ARHGAP44: variants seen among roughly 807,000 people sequenced by gnomAD.
The protein encoded by ARHGAP44 is rho GTPase-activating protein 44.
ARHGAP44 carries 43 observed loss-of-function variants against 106.8 expected under a neutral mutation model. The ratio of observed to expected loss-of-function variants is 0.40; its 90% CI spans 0.32 to 0.52. ARHGAP44 has a LOEUF of 0.52. Ranked by LOEUF, ARHGAP44 falls within the 20% of genes least tolerant of loss-of-function variation. The pLI, the probability that ARHGAP44 is intolerant of heterozygous loss-of-function variation, is 0.48. For synonymous variants in ARHGAP44, 439 were observed against 410.3 expected, an observed-to-expected ratio of 1.07 and a Z score of -0.85; for missense variants, 866 against 1,050.5, an observed-to-expected ratio of 0.82 and a Z score of 2.43.
In ARHGAP44 at chr17:12,913,932, G is replaced by A. The variant is rs144298091; in HGVS notation, c.276-1968G>A. 4.4e-3 allele frequency among the ~76,000 whole-genome samples: 560 copies of A among 125,876 alleles called. 3 individuals are homozygous for A. The highest frequency in any genetic ancestry group is 0.015 in the African/African-American group (514 of 34,302). The allele number at this position is 125,876 out of a possible 152,430, so 82.6% of individuals were successfully genotyped here. On this transcript the variant is annotated intron_variant, in intron 4 of 20. Transcript: ENST00000379672. ...TGTGGTGAGCCAAGTACGCGTCACT[G>A]CACTCCAGCCTGGGTGATAGAGTGA...
intron 7 of ARHGAP44, among the ~76,000 whole-genome samples, chr17:12,935,715 G>A (rs959323613): frequency 2.0e-5 from 3 of 152,132 alleles, no homozygotes; most frequent in African/African-American, 7.2e-5. Context: ...GTATGGAATC[G>A]ATTTTAGTAA....
chr17:12,865,055 T>C (rs1322645351), intron 1 of ARHGAP44, among the ~76,000 whole-genome samples: 1 of 152,158 alleles, frequency 6.6e-6, no homozygotes, highest in Non-Finnish European at 1.5e-5. Flanking sequence ...TAAATAAAAG[T>C]AGAAGAAAAG....
chr17:12,898,861 A>G (rs541634661), intron 3 of ARHGAP44, among the ~76,000 whole-genome samples: 1 of 152,350 alleles, frequency 6.6e-6, no homozygotes, highest in South Asian at 2.1e-4. Context: ...TGAAGGCTGC[A>G]GTCACATGCA....
intron 3 of ARHGAP44, among the ~76,000 whole-genome samples, chr17:12,897,378 CT>C (rs2037240441): frequency 6.6e-6 from 1 of 151,304 alleles, no homozygotes; most frequent in Non-Finnish European, 1.5e-5. Flanking sequence ...CACAATACTT[CT>C]TCCCAGCTCC....
chr17:12,983,711 G>T (rs1389342461), intron 19 of ARHGAP44, among the ~76,000 whole-genome samples: 1 of 152,164 alleles, frequency 6.6e-6, no homozygotes, highest in Non-Finnish European at 1.5e-5. Flanking sequence ...GGCTGAGGCA[G>T]GAGAATTGCT....
intron 1 of ARHGAP44, among the ~76,000 whole-genome samples, chr17:12,846,517 C>T (rs995724158): frequency 5.3e-5 from 8 of 152,144 alleles, no homozygotes; most frequent in African/African-American, 1.9e-4. Flanking sequence ...ATGATTGTGT[C>T]GTATTTCATT....
At chr17:12,898,875 A>G (rs768241193) in intron 3 of ARHGAP44, among the ~76,000 whole-genome samples, 3 of 152,222 alleles carry the variant, frequency 2.0e-5, no homozygotes, top group Admixed American at 1.3e-4. Flanking sequence ...ACATGCATGC[A>G]GTGATAAACG....
chr17:12,928,289 C>G (rs2038302810), intron 6 of ARHGAP44, among the ~76,000 whole-genome samples: 1 of 152,146 alleles, frequency 6.6e-6, no homozygotes, highest in Admixed American at 6.6e-5. Context: ...TGGCTTCAAG[C>G]CAAGAAGGTG....
At chr17:12,867,754 G>T (rs1055871329) in intron 1 of ARHGAP44, among the ~76,000 whole-genome samples, 8 of 152,112 alleles carry the variant, frequency 5.3e-5, no homozygotes, top group African/African-American at 1.9e-4. Flanking sequence ...GTGAAGGAGT[G>T]ATTAGAACCC....
chr17:12,905,550 C>T (rs539098367), intron 3 of ARHGAP44, among the ~76,000 whole-genome samples: 1 of 152,276 alleles, frequency 6.6e-6, no homozygotes, highest in Admixed American at 6.5e-5. Flanking sequence ...TTGATCTTGA[C>T]CTTCGTTCAT....
chr17:12,915,763 G>A (rs1449164406), intron 4 of ARHGAP44, 137 bp from the exon 5 acceptor site: 2 of 681,310 alleles, frequency 2.9e-6, no homozygotes, highest in East Asian at 2.8e-5. Context: ...TGGCCCAGGG[G>A]AAGCCATGGA....
At chr17:12,952,404 G>A in intron 12 of ARHGAP44, 97 bp from the exon 13 acceptor site, 1 of 1,002,722 alleles carries the variant, frequency 1.0e-6, no homozygotes, top group Non-Finnish European at 1.5e-6. Context: ...CAGTTACAGT[G>A]GTTGGTATCA....
At chr17:12,879,773 C>T (rs865939129) in intron 1 of ARHGAP44, among the ~76,000 whole-genome samples, 9 of 151,450 alleles carry the variant, frequency 5.9e-5, no homozygotes, top group Admixed American at 4.6e-4. Context: ...TTGGGGCACT[C>T]ATCCCCCATG....
intron 1 of ARHGAP44, among the ~76,000 whole-genome samples, chr17:12,859,585 C>T (rs1362301350): frequency 6.6e-6 from 1 of 152,226 alleles, no homozygotes; most frequent in South Asian, 2.1e-4. Context: ...CTGTTATTCT[C>T]TCTTAATATT....
chr17:12,936,269 G>A (rs561844262), intron 7 of ARHGAP44, among the ~76,000 whole-genome samples: 1 of 152,256 alleles, frequency 6.6e-6, no homozygotes, highest in South Asian at 2.1e-4. Flanking sequence ...TGGGGGCTTT[G>A]ACAAATGTAT....
At chr17:12,980,484 C>T (rs1336495310) in intron 19 of ARHGAP44, among the ~76,000 whole-genome samples, 3 of 152,176 alleles carry the variant, frequency 2.0e-5, no homozygotes, top group Non-Finnish European at 4.4e-5. Flanking sequence ...AATGATGCCA[C>T]CAGGGCAAAA....
intron 12 of ARHGAP44, among the ~76,000 whole-genome samples, 158 bp from the exon 13 acceptor site, chr17:12,952,342 GA>G (rs1555562709): frequency 6.6e-6 from 1 of 152,206 alleles, no homozygotes; most frequent in Non-Finnish European, 1.5e-5. Flanking sequence ...GGAGAACATA[GA>G]GGGGTAAATA....
At chr17:12,871,538 G>A (rs550532807) in intron 1 of ARHGAP44, among the ~76,000 whole-genome samples, 14 of 152,090 alleles carry the variant, frequency 9.2e-5, no homozygotes, top group African/African-American at 1.7e-4. Flanking sequence ...AGAGCAAAGA[G>A]GGAGGTGCTA....
intron 1 of ARHGAP44, among the ~76,000 whole-genome samples, chr17:12,885,021 C>G (rs1005849019): frequency 6.6e-6 from 1 of 152,160 alleles, no homozygotes; most frequent in African/African-American, 2.4e-5. Flanking sequence ...CTGCCTCAGC[C>G]TCCTGAGTAG....
Sources: gnomAD v4.1 joint callset for allele counts (sites outside exome capture counted in the v4.1 genomes callset) on GRCh38, gnomAD v4.1.1 for gene constraint, MANE v1.5 for transcripts, NCBI Gene and HGNC (gene_info 2026-07-23, HGNC 2026-07-21) for gene names.